The following AJAP1 variants were observed in gnomAD, a reference collection of about 807,000 sequenced individuals.
The protein encoded by AJAP1 is adherens junctions associated protein 1.
Under a neutral mutation model 35.0 loss-of-function variants are expected in AJAP1, and 5 were observed. The observed-to-expected ratio is 0.14, with a 90% confidence interval of 0.07 to 0.30. AJAP1 has a LOEUF of 0.30. Ranked by LOEUF, AJAP1 falls within the 10% of genes least tolerant of loss-of-function variation. The pLI is 1.00. For missense variants in AJAP1, 586 were observed against 571.0 expected (o/e 1.03, Z -0.27); for synonymous variants, 284 against 249.3 (o/e 1.14, Z -1.31).
intron 2 of AJAP1, among the ~76,000 whole-genome samples, chr1:4,725,716 T>C (rs1196441041): frequency 6.6e-6 from 1 of 152,068 alleles, no homozygotes; most frequent in Non-Finnish European, 1.5e-5. Flanking sequence ...TCCTGGAGGC[T>C]AGAAGTCTGA....
intron 2 of AJAP1, among the ~76,000 whole-genome samples, chr1:4,767,412 C>T (rs538282145): frequency 1.3e-5 from 2 of 152,046 alleles, no homozygotes; most frequent in South Asian, 2.1e-4. Context: ...TTACCACCAC[C>T]AACATCATCG....
intron 2 of AJAP1, among the ~76,000 whole-genome samples, chr1:4,741,856 A>G (rs944331496): frequency 1.3e-5 from 2 of 152,202 alleles, no homozygotes; most frequent in Non-Finnish European, 2.9e-5. Context: ...TCACGGAATG[A>G]TGGGCACCTG....
At chr1:4,725,238 A>G (rs1363635455) in intron 2 of AJAP1, among the ~76,000 whole-genome samples, 1 of 152,194 alleles carries the variant, frequency 6.6e-6, no homozygotes, top group Non-Finnish European at 1.5e-5. Flanking sequence ...AGAAGGTTTC[A>G]AGTTCCCTGG....
In AJAP1 at chr1:4,656,339, T is replaced by A. The variant is rs1209930966; in HGVS notation, c.29+885T>A. Among the ~76,000 whole-genome samples the A allele has an allele frequency of 6.6e-6, 1 of 152,164 alleles. No individual in the cohort carries two copies. The highest frequency in any genetic ancestry group is 2.4e-5 in the African/African-American group (1 of 41,440). On this transcript the variant is annotated intron_variant, in intron 1 of 5. Coordinates refer to ENST00000378191, the MANE Select transcript of AJAP1 (RefSeq NM_018836.4). The surrounding 1 kb of genome is among the most constrained non-coding windows in gnomAD (Gnocchi z 5.7). The stretch of plus-strand genomic sequence containing the variant: ...TGTCGTTTTTGCTGGGCAGGCTGCC[T>A]CTGAGCCCTCGCCCTCCTGCCGGGG...
In AJAP1 at chr1:4,774,564, T is replaced by C. The variant is rs1570228374; in HGVS notation, c.*59+6T>C. On this transcript the variant is annotated splice_donor_region_variant and intron_variant, in intron 5 of 5. Coordinates refer to ENST00000378191, the MANE Select transcript of AJAP1 (RefSeq NM_018836.4). ...CGCCGTGTGTCTGTTTCACGGTAGG[T>C]ACCTCTCTTTGGACATTCCTGTTTT... is the stretch of plus-strand genomic sequence containing the variant. The C allele has an allele frequency of 2.0e-6, 3 of 1,490,962 alleles. No individual in the cohort carries two copies. Among genetic ancestry groups the C allele is most frequent in the East Asian group, 4.5e-5 (2 of 44,232 alleles). 92.4% of individuals were successfully genotyped at this position (1,490,962 alleles called of 1,614,324 possible).
At chr1:4,697,745 A>G (rs1639898746) in intron 1 of AJAP1, among the ~76,000 whole-genome samples, 3 of 152,240 alleles carry the variant, frequency 2.0e-5, no homozygotes, top group Admixed American at 6.5e-5. Context: ...ACGTCTAACA[A>G]GATGGTCCCA....
chr1:4,774,547 G>A lies in AJAP1; in HGVS notation c.*48G>A, dbSNP rs758517553. The A allele has an allele frequency of 3.8e-6, 6 of 1,561,680 alleles. No homozygotes were observed. Among genetic ancestry groups the A allele is most frequent in the Non-Finnish European group, 5.3e-6 (6 of 1,133,614 alleles). ...CCTGGGGGCAGGGCAGACGCCGTGT[G>A]TCTGTTTCACGGTAGGTACCTCTCT... is the stretch of plus-strand genomic sequence containing the variant. On this transcript the variant is annotated 3_prime_UTR_variant, in exon 5 of 6. Coordinates refer to ENST00000378191, the MANE Select transcript of AJAP1 (RefSeq NM_018836.4).
chr1:4,658,969 C>T (rs940082949), intron 1 of AJAP1, among the ~76,000 whole-genome samples: 4 of 152,184 alleles, frequency 2.6e-5, no homozygotes, highest in African/African-American at 4.8e-5. Context: ...ACTTCCACAG[C>T]GCCAGTCCCT....
At chr1:4,675,784 A>T (rs188117745) in intron 1 of AJAP1, among the ~76,000 whole-genome samples, 7 of 152,344 alleles carry the variant, frequency 4.6e-5, no homozygotes, top group Admixed American at 4.6e-4. Flanking sequence ...GGTGCCTCAC[A>T]TTATTCTACA....
intron 1 of AJAP1, among the ~76,000 whole-genome samples, chr1:4,676,955 G>A (rs376125209): frequency 6.6e-6 from 1 of 152,132 alleles, no homozygotes; most frequent in Non-Finnish European, 1.5e-5. Flanking sequence ...TCTGGAGTTC[G>A]AGACCAGCCT....
chr1:4,735,460 G>A (rs951144586), intron 2 of AJAP1, among the ~76,000 whole-genome samples: 4 of 152,202 alleles, frequency 2.6e-5, no homozygotes, highest in African/African-American at 7.2e-5. Context: ...TTGCAGGAAA[G>A]GAGCCTGGTA....
chr1:4,690,133 G>A (rs1053014048), intron 1 of AJAP1, among the ~76,000 whole-genome samples: 2 of 152,244 alleles, frequency 1.3e-5, no homozygotes, highest in South Asian at 2.1e-4. Context: ...AGCATGGGGC[G>A]ACACCAGTGC....
chr1:4,728,686 G>A (rs992885528), intron 2 of AJAP1, among the ~76,000 whole-genome samples: 1 of 152,202 alleles, frequency 6.6e-6, no homozygotes, highest in Admixed American at 6.5e-5. Flanking sequence ...CCAGGGGTCC[G>A]TCTACAGCGA....
chr1:4,715,282 C>A (rs943593463), intron 2 of AJAP1, among the ~76,000 whole-genome samples: 1 of 152,226 alleles, frequency 6.6e-6, no homozygotes, highest in African/African-American at 2.4e-5. Flanking sequence ...TTAGCAGGTG[C>A]CTTGAGGCTG....
intron 2 of AJAP1, among the ~76,000 whole-genome samples, chr1:4,713,674 C>T (rs888974058): frequency 6.6e-6 from 1 of 152,228 alleles, no homozygotes; most frequent in Non-Finnish European, 1.5e-5. Context: ...CAGGCACAGC[C>T]CGATGTGCCA....
intron 1 of AJAP1, among the ~76,000 whole-genome samples, chr1:4,691,032 T>TGG (rs1639727842): frequency 6.6e-6 from 1 of 152,122 alleles, no homozygotes; most frequent in South Asian, 2.1e-4. Flanking sequence ...GGCTGAGGCC[T>TGG]GGGGTGAGGA....
At chr1:4,740,506 C>G (rs375806215) in intron 2 of AJAP1, among the ~76,000 whole-genome samples, 3 of 150,674 alleles carry the variant, frequency 2.0e-5, no homozygotes, top group Admixed American at 6.6e-5. Context: ...AAGTGGCTGG[C>G]CGGGCACGGT....
At position 4,782,932 on chromosome 1, in the gene AJAP1, G is replaced by T; in HGVS notation, c.*447G>T. On this transcript the variant is annotated 3_prime_UTR_variant, in exon 6 of 6. Coordinates refer to ENST00000378191, the MANE Select transcript of AJAP1 (RefSeq NM_018836.4). This position sits in a 1 kb window ranked among gnomAD's most constrained non-coding sequence, Gnocchi z 5.3. ...CGAAAGGCTCGGCCGCAGAGCCGGG[G>T]CCCAGCGAATCACGCAGAGAAATCT... 1 of 398,370 alleles carries T rather than the reference G, an allele frequency of 2.5e-6. No homozygotes were observed. The highest frequency in any genetic ancestry group is 4.4e-6 in the Non-Finnish European group (1 of 225,988). The allele number at this position is 398,370 out of a possible 1,614,324, so 24.7% of individuals were successfully genotyped here.
chr1:4,656,577 G>A lies in AJAP1; in HGVS notation c.29+1123G>A, dbSNP rs1418765033. Among the ~76,000 whole-genome samples, 1 of 152,198 alleles carries A rather than the reference G, an allele frequency of 6.6e-6. No homozygotes were observed. The highest frequency in any genetic ancestry group is 1.5e-5 in the Non-Finnish European group (1 of 68,038). On this transcript the variant is annotated intron_variant, in intron 1 of 5. Coordinates refer to ENST00000378191, the MANE Select transcript of AJAP1 (RefSeq NM_018836.4). This position sits in a 1 kb window ranked among gnomAD's most constrained non-coding sequence, Gnocchi z 5.7. ...TGCGGGGGGAGTGAGGCGAAGGGAG[G>A]GAGGATCTAGTGCGTGTCCTGATTT...
Sources: gnomAD v4.1 joint callset for allele counts (sites outside exome capture counted in the v4.1 genomes callset) on GRCh38, gnomAD v4.1.1 for gene constraint, Gnocchi (gnomAD v3.1) non-coding constraint, MANE v1.5 for transcripts, NCBI Gene and HGNC (gene_info 2026-07-23, HGNC 2026-07-21) for gene names.